Variants in GRID1 observed in about 807,000 individuals in gnomAD.
GRID1 encodes the protein glutamate ionotropic receptor delta type subunit 1, also known as glutamate receptor ionotropic, delta-1.
Under a neutral mutation model 98.0 loss-of-function variants are expected in GRID1, and 28 were observed. That is an observed-to-expected ratio of 0.29 (90% CI 0.21 to 0.39). The LOEUF (loss-of-function observed/expected upper bound fraction) is 0.39. GRID1 is among the 10% of genes least tolerant of loss of function. The pLI is 1.00. For missense variants in GRID1, 1,111 were observed against 1,340.5 expected (o/e 0.83, Z 2.67); for synonymous variants, 553 against 538.5 (o/e 1.03, Z -0.37).
intron 5 of GRID1, among the ~76,000 whole-genome samples, chr10:85,881,750 C>T (rs1401868884): frequency 6.6e-6 from 1 of 152,060 alleles, no homozygotes; most frequent in African/African-American, 2.4e-5. Flanking sequence ...AAAGCAATGG[C>T]AACAAAAGCC....
At chr10:86,225,645 C>T (rs1846329635) in intron 2 of GRID1, among the ~76,000 whole-genome samples, 1 of 151,988 alleles carries the variant, frequency 6.6e-6, no homozygotes, top group African/African-American at 2.4e-5. Flanking sequence ...GGAGGGGGAC[C>T]AAGAAGGCCC....
At chr10:86,361,025 T>C (rs920861385) in intron 2 of GRID1, among the ~76,000 whole-genome samples, 2 of 152,218 alleles carry the variant, frequency 1.3e-5, no homozygotes, top group Admixed American at 6.5e-5. Flanking sequence ...AAAAGTCTTT[T>C]TCTTTCCTAC....
At chr10:86,018,138 A>T (rs1156994285) in intron 4 of GRID1, among the ~76,000 whole-genome samples, 1 of 152,250 alleles carries the variant, frequency 6.6e-6, no homozygotes, top group East Asian at 1.9e-4. Context: ...CCAACAGGGC[A>T]GTCTGCTCGC....
chr10:85,898,091 T>C (rs1413034393), intron 5 of GRID1, among the ~76,000 whole-genome samples: 2 of 152,242 alleles, frequency 1.3e-5, no homozygotes, highest in African/African-American at 4.8e-5. Flanking sequence ...ACCTAGGCTA[T>C]ATGGCATAGC....
At chr10:86,183,154 G>C (rs1454130367) in intron 3 of GRID1, among the ~76,000 whole-genome samples, 1 of 152,038 alleles carries the variant, frequency 6.6e-6, no homozygotes, top group African/African-American at 2.4e-5. Flanking sequence ...CCACTGATCT[G>C]CAATCTGTCA....
intron 14 of GRID1, among the ~76,000 whole-genome samples, chr10:85,619,067 G>T (rs1464701229): frequency 1.3e-5 from 2 of 152,198 alleles, no homozygotes; most frequent in African/African-American, 2.4e-5. Flanking sequence ...CTGCCCCAGG[G>T]CTTCTGCACT....
At chr10:85,991,347 A>G (rs929539587) in intron 4 of GRID1, among the ~76,000 whole-genome samples, 2 of 152,164 alleles carry the variant, frequency 1.3e-5, no homozygotes, top group African/African-American at 4.8e-5. Flanking sequence ...TTTTTGGGAT[A>G]TGCTAAGGCC....
intron 8 of GRID1, among the ~76,000 whole-genome samples, chr10:85,731,144 GACA>G (rs1456345786): frequency 5.3e-5 from 8 of 152,092 alleles, no homozygotes; most frequent in African/African-American, 1.4e-4. Flanking sequence ...TCCTGGAAGA[GACA>G]ACAACTCTGA....
intron 8 of GRID1, among the ~76,000 whole-genome samples, chr10:85,837,087 C>A (rs1479994216): frequency 6.6e-6 from 1 of 152,116 alleles, no homozygotes; most frequent in Non-Finnish European, 1.5e-5. Flanking sequence ...TTTGTCTCCC[C>A]ACCCCCACCA....
At chr10:85,613,148 T>C in intron 15 of GRID1, 1 of 525,452 alleles carries the variant, frequency 1.9e-6, no homozygotes, top group Non-Finnish European at 3.4e-6. Flanking sequence ...GTACCTGCTC[T>C]ATAGATAAAT....
chr10:85,665,867 A>T (rs960057463), intron 12 of GRID1, among the ~76,000 whole-genome samples: 1 of 152,140 alleles, frequency 6.6e-6, no homozygotes, highest in South Asian at 2.1e-4. Flanking sequence ...GGAAATACAT[A>T]AATATGCATC....
At chr10:85,987,097 C>A (rs1175796381) in intron 4 of GRID1, among the ~76,000 whole-genome samples, 3 of 151,310 alleles carry the variant, frequency 2.0e-5, no homozygotes, top group Non-Finnish European at 3.0e-5. Context: ...ACCTAGCAGA[C>A]CCCAGGGCAG....
At chr10:85,939,612 C>T (rs1841972167) in intron 4 of GRID1, among the ~76,000 whole-genome samples, 1 of 152,126 alleles carries the variant, frequency 6.6e-6, no homozygotes, top group African/African-American at 2.4e-5. Flanking sequence ...TCTTTGTCTC[C>T]CTCTCCCACT....
intron 5 of GRID1, among the ~76,000 whole-genome samples, chr10:85,889,468 C>T (rs911539272): frequency 5.3e-5 from 8 of 152,164 alleles, no homozygotes; most frequent in Non-Finnish European, 8.8e-5. Flanking sequence ...TTTTACTTAA[C>T]ATAATGTCTC....
In GRID1 at chr10:85,895,016, A is replaced by AATATATAT. The variant is rs67350023; in HGVS notation, c.780+21162_780+21169dup. Among the ~76,000 whole-genome samples the AATATATAT allele has an allele frequency of 3.8e-3, 369 of 97,062 alleles. 2 individuals carry two copies. The highest frequency in any genetic ancestry group is 5.3e-3 in the Non-Finnish European group (256 of 48,274). 63.7% of individuals were successfully genotyped at this position (97,062 alleles called of 152,430 possible). A position where few individuals can be genotyped will look rare whatever the true frequency, so the allele number is the denominator to read the frequency against. On this transcript the variant is annotated intron_variant, in intron 5 of 15. Transcript: ENST00000327946. ...CTGGGACTCTCAAAAAAAAAAAAAA[A>AATATATAT]ATATATATATATATATATATATATG...
In GRID1 at chr10:85,995,238, G is replaced by A. The variant is rs1225772429; in HGVS notation, c.727-78999C>T. 2.0e-5 allele frequency among the ~76,000 whole-genome samples: 3 copies of A among 152,286 alleles called. No individual in the cohort carries two copies. In the East Asian group the frequency reaches 5.8e-4, roughly 29 times the overall value. ...TATCACTAGTCGTGGAACTTTGATG[G>A]GACGGCCACCTATCAGCAATCCTGT... On this transcript the variant is annotated intron_variant, in intron 4 of 15. Coordinates refer to ENST00000327946, the MANE Select transcript of GRID1 (RefSeq NM_017551.3).
At chr10:86,149,735 CAT>C (rs552569869) in intron 3 of GRID1, among the ~76,000 whole-genome samples, 16 of 152,244 alleles carry the variant, frequency 1.1e-4, no homozygotes, top group African/African-American at 2.2e-4. Context: ...GCATTTTACA[CAT>C]GTTATGATGA....
chr10:85,692,664 T>A (rs1355677099), intron 12 of GRID1, among the ~76,000 whole-genome samples: 8 of 136,224 alleles, frequency 5.9e-5, no homozygotes, highest in East Asian at 2.1e-4. Flanking sequence ...GAGACCCTGT[T>A]AAAAAAAAAA....
In GRID1 at chr10:86,023,204, C is replaced by T. The variant is rs909951442; in HGVS notation, c.727-106965G>A. On this transcript the variant is annotated intron_variant, in intron 4 of 15. Coordinates refer to ENST00000327946, the MANE Select transcript of GRID1 (RefSeq NM_017551.3). Reference sequence around the variant, plus strand: ...GCAGTAGAGAGACCCTGCCCCTTTCCACACTAAGATCTGACCTAGTCCGAA... The same window carrying T: ...GCAGTAGAGAGACCCTGCCCCTTTCTACACTAAGATCTGACCTAGTCCGAA... Among the ~76,000 whole-genome samples, 16 of 152,088 alleles carry T rather than the reference C, an allele frequency of 1.1e-4. No individual in the cohort carries two copies. The East Asian group carries it at 2.3e-3, about 22-fold the overall frequency.
Sources: gnomAD v4.1 joint callset for allele counts (sites outside exome capture counted in the v4.1 genomes callset) on GRCh38, gnomAD v4.1.1 for gene constraint, MANE v1.5 for transcripts, NCBI Gene and HGNC (gene_info 2026-07-23, HGNC 2026-07-21) for gene names.